Variants in TMEM39B observed in about 807,000 individuals in gnomAD.
TMEM39B encodes the protein transmembrane protein 39B.
TMEM39B carries 23 observed loss-of-function variants against 52.2 expected under a neutral mutation model. The ratio of observed to expected loss-of-function variants is 0.44; its 90% CI spans 0.32 to 0.62. The LOEUF is 0.62. Among genes scored for constraint, TMEM39B ranks in the 20% least tolerant of loss-of-function variants. TMEM39B has a pLI of 0.06. For missense variants in TMEM39B, 547 were observed against 642.0 expected (o/e 0.85, Z 1.60); for synonymous variants, 285 against 264.0 (o/e 1.08, Z -0.77).
intron 7 of TMEM39B, among the ~76,000 whole-genome samples, chr1:32,096,338 T>A (rs1640804762): frequency 1.3e-5 from 2 of 152,082 alleles, no homozygotes; most frequent in African/African-American, 2.4e-5. Flanking sequence ...CCATAATCAT[T>A]GCATTTAATG....
chr1:32,075,020 G>C lies in TMEM39B; in HGVS notation c.74G>C (p.Gly25Ala). 1 of 1,551,580 alleles carries C rather than the reference G, an allele frequency of 6.4e-7. No individual in the cohort carries two copies. The highest frequency in any genetic ancestry group is 1.2e-5 in the South Asian group (1 of 84,034). ...CTCTGTGAGCCGGGATCCTCGGGGG[G>C]CTCTAGTGGAAGCCACACTTCCAGT... Reference protein sequence around the residue: ...NPLCEPGSSGGSSGSHTSSAS... With the variant: ...NPLCEPGSSGASSGSHTSSAS... The change falls in exon 2 of 9, where the codon GGC becomes GCC. Residue 25 changes from glycine (G) to alanine (A), a missense_variant. Physicochemically the swap from Gly to Ala is moderately conservative, Grantham distance 60. Coordinates refer to ENST00000336294, the MANE Select transcript of TMEM39B (RefSeq NM_018056.4).
chr1:32,101,305 G>T (rs189936722), intron 8 of TMEM39B, among the ~76,000 whole-genome samples: 1 of 152,172 alleles, frequency 6.6e-6, no homozygotes, highest in East Asian at 1.9e-4. Context: ...TTGTTAAAGG[G>T]TGCCTTCTTG....
chr1:32,072,837 G>A (rs1369274544), upstream of TMEM39B: 4 of 566,836 alleles, frequency 7.1e-6, no homozygotes, highest in South Asian at 2.1e-5. Flanking sequence ...GACAAAGAGC[G>A]CGCAGGCACC....
intron 3 of TMEM39B, 25 bp from the exon 4 acceptor site, chr1:32,076,738 C>A (rs1438461875): frequency 4.3e-6 from 7 of 1,612,384 alleles, no homozygotes; most frequent in Admixed American, 1.7e-5. Context: ...GCCCACATGA[C>A]CCCCAGGCCT....
At position 32,102,223 on chromosome 1, in the gene TMEM39B, G is replaced by A. The variant is rs1641044126; in HGVS notation, c.1237-208G>A. Among the ~76,000 whole-genome samples, 4 of 152,248 alleles carry A rather than the reference G, an allele frequency of 2.6e-5. No individual in the cohort carries two copies. In the South Asian group the frequency reaches 8.3e-4, roughly 32 times the overall value. On this transcript the variant is annotated intron_variant, in intron 8 of 8. Coordinates refer to ENST00000336294, the MANE Select transcript of TMEM39B (RefSeq NM_018056.4). Reference sequence around the variant, plus strand: ...ACAGGATCTTAGATGACTTACATCAGAAGCAGCAGTCCTATCAGGAGGAAT... The same window carrying A: ...ACAGGATCTTAGATGACTTACATCAAAAGCAGCAGTCCTATCAGGAGGAAT...
intron 6 of TMEM39B, among the ~76,000 whole-genome samples, chr1:32,093,469 T>C (rs1443609106): frequency 7.4e-6 from 1 of 134,468 alleles, no homozygotes; most frequent in African/African-American, 2.7e-5. Flanking sequence ...TGGAGTGCAG[T>C]GGCGCAATCT....
At chr1:32,091,652 C>G in intron 5 of TMEM39B, 23 bp from the exon 6 acceptor site, 6 of 1,564,980 alleles carry the variant, frequency 3.8e-6, no homozygotes, top group Non-Finnish European at 4.3e-6. Context: ...CAGGCCTTCC[C>G]TCACCACCGT....
chr1:32,079,430 C>T lies in TMEM39B; in HGVS notation c.590+2112C>T, dbSNP rs542489713. Reference sequence around the variant, plus strand: ...CAATCTCCTGACCTCATGATCTGCCCGCCTCGGCCTCCCAAAGTGCTGGGA... The same window carrying T: ...CAATCTCCTGACCTCATGATCTGCCTGCCTCGGCCTCCCAAAGTGCTGGGA... On this transcript the variant is annotated intron_variant, in intron 5 of 8. Transcript: ENST00000336294. Among the ~76,000 whole-genome samples the T allele has an allele frequency of 1.6e-3, 247 of 152,012 alleles. 1 individual carries two copies. The highest frequency in any genetic ancestry group is 2.6e-3 in the Non-Finnish European group (180 of 67,952).
At chr1:32,099,245 AC>A (rs1640927880) in intron 7 of TMEM39B, among the ~76,000 whole-genome samples, 1 of 151,546 alleles carries the variant, frequency 6.6e-6, no homozygotes. Context: ...AAAAAAAAAA[AC>A]ACTCATAGGT....
At chr1:32,088,424 AT>A (rs1432382220) in intron 5 of TMEM39B, among the ~76,000 whole-genome samples, 1 of 152,126 alleles carries the variant, frequency 6.6e-6, no homozygotes, top group Non-Finnish European at 1.5e-5. Context: ...CTCAAAAAAA[AT>A]AAAAATAAAA....
intron 3 of TMEM39B, 22 bp from the exon 4 acceptor site, chr1:32,076,741 C>T: frequency 1.2e-6 from 2 of 1,613,778 alleles, no homozygotes; most frequent in Non-Finnish European, 1.7e-6. Context: ...CACATGACCC[C>T]CAGGCCTCTG....
At chr1:32,076,496 C>T (rs1639865988) in intron 3 of TMEM39B, 6 of 589,924 alleles carry the variant, frequency 1.0e-5, no homozygotes, top group Non-Finnish European at 1.9e-5. Flanking sequence ...TCAGTGCAGA[C>T]ACAGTATAGG....
In TMEM39B at chr1:32,094,776, AC is replaced by A. The variant is rs745789078; in HGVS notation, c.928-3del. ...TCCCAGGCCTCACCCACCTTCTGCT[AC>A]CCCCAGAACACACATTACTATGACA... On this transcript the variant is annotated splice_polypyrimidine_tract_variant and splice_region_variant and intron_variant, in intron 6 of 8. Transcript: ENST00000336294. The A allele has an allele frequency of 6.2e-6, 10 of 1,613,726 alleles. No homozygotes were observed. In the East Asian group the frequency reaches 2.0e-4, roughly 32 times the overall value.
chr1:32,101,258 T>C (rs1375406646), intron 8 of TMEM39B, among the ~76,000 whole-genome samples: 3 of 152,186 alleles, frequency 2.0e-5, no homozygotes, highest in African/African-American at 7.2e-5. Context: ...GGGTTATCTC[T>C]GTTTTTAGAT....
chr1:32,077,257 C>T lies in TMEM39B; in HGVS notation c.529C>T (p.Arg177Ter), dbSNP rs1323391132. 5 of 1,614,146 alleles carry T rather than the reference C, an allele frequency of 3.1e-6. No individual in the cohort carries two copies. The highest frequency in any genetic ancestry group is 1.7e-5 in the Admixed American group (1 of 60,014). The stretch of plus-strand genomic sequence containing the variant: ...CACGGCAACAGGCTGGAGTCTGTGC[C>T]GATCCCTCATCCACCTCTTCAGGAC... ...VLTATGWSLC[R>*]SLIHLFRTYS... The change falls in exon 5 of 9, where the codon CGA becomes TGA. Residue 177 changes from arginine (R) to a stop codon, truncating the protein, a stop_gained. Coordinates refer to ENST00000336294, the MANE Select transcript of TMEM39B (RefSeq NM_018056.4). LOFTEE classifies it high-confidence loss of function.
chr1:32,074,915 C>T, intron 1 of TMEM39B, 36 bp from the exon 2 acceptor site: 4 of 1,536,158 alleles, frequency 2.6e-6, no homozygotes, highest in African/African-American at 1.4e-5. Context: ...TATATGCCCC[C>T]TGGCTTGAGG....
At chr1:32,079,207 T>A (rs1024363910) in intron 5 of TMEM39B, among the ~76,000 whole-genome samples, 2 of 145,934 alleles carry the variant, frequency 1.4e-5, no homozygotes, top group Non-Finnish European at 3.0e-5. Context: ...TTTTTTGAGA[T>A]GGAGTCTCGC....
chr1:32,092,073 G>T, intron 6 of TMEM39B, 62 bp downstream of exon 6: 1 of 1,482,490 alleles, frequency 6.7e-7, no homozygotes, highest in East Asian at 2.3e-5. Flanking sequence ...CTGCCTGCCC[G>T]ATGTGAGTTC....
At chr1:32,093,728 C>T (rs1414158358) in intron 6 of TMEM39B, among the ~76,000 whole-genome samples, 3 of 150,094 alleles carry the variant, frequency 2.0e-5, no homozygotes, top group Non-Finnish European at 4.4e-5. Flanking sequence ...GTCTTTTGAG[C>T]ACCTGTAACA....
Sources: gnomAD v4.1 joint callset for allele counts (sites outside exome capture counted in the v4.1 genomes callset) on GRCh38, gnomAD v4.1.1 for gene constraint, MANE v1.5 for transcripts, NCBI Gene and HGNC (gene_info 2026-07-23, HGNC 2026-07-21) for gene names.